BST1: variants seen among roughly 807,000 people sequenced by gnomAD.
BST1 encodes ADP-ribosyl cyclase/cyclic ADP-ribose hydrolase 2.
Under a neutral mutation model 40.6 loss-of-function variants are expected in BST1, and 49 were observed. The ratio of observed to expected loss-of-function variants is 1.21; its 90% CI spans 0.96 to 1.53. The LOEUF is 1.53. Among genes scored for constraint, BST1 ranks in the 40% most tolerant of loss-of-function variants. BST1 has a pLI of 0.00. For synonymous variants in BST1, 157 were observed against 159.3 expected (o/e 0.99, Z 0.11); for missense variants, 423 against 395.9 (o/e 1.07, Z -0.58).
intron 7 of BST1, among the ~76,000 whole-genome samples, chr4:15,719,284 G>T (rs567761245): frequency 7.8e-4 from 119 of 152,304 alleles, no homozygotes; most frequent in African/African-American, 2.8e-3. Context: ...TGTGCAGCGA[G>T]ATGCTGGAGT....
intron 8 of BST1, among the ~76,000 whole-genome samples, chr4:15,726,704 A>G (rs1721131781): frequency 6.6e-6 from 1 of 152,172 alleles, no homozygotes. Flanking sequence ...CAACCTATAC[A>G]GAAACAGACC....
the BST1 span, among the ~76,000 whole-genome samples, chr4:15,760,254 A>G: frequency 7.4e-6 from 1 of 135,458 alleles, no homozygotes; most frequent in Non-Finnish European, 1.6e-5. Flanking sequence ...GGTATGCGTT[A>G]GCATTTCATT....
chr4:15,708,925 C>T (rs1720037489), intron 3 of BST1, among the ~76,000 whole-genome samples: 1 of 152,120 alleles, frequency 6.6e-6, no homozygotes, highest in East Asian at 1.9e-4. Context: ...TTTATTTCTC[C>T]TCCATTCATT....
At chr4:15,771,293 T>A in the BST1 span, among the ~76,000 whole-genome samples, 1 of 152,168 alleles carries the variant, frequency 6.6e-6, no homozygotes, top group Non-Finnish European at 1.5e-5. Flanking sequence ...AATTAAAAAA[T>A]ATTGGTAACT....
downstream of BST1, among the ~76,000 whole-genome samples, chr4:15,740,558 T>C (rs1023424682): frequency 1.3e-5 from 2 of 152,106 alleles, no homozygotes; most frequent in African/African-American, 4.8e-5. Context: ...GGATTGGAAA[T>C]ATTTTCAGGT....
chr4:15,760,403 G>T, the BST1 span, among the ~76,000 whole-genome samples: 8 of 151,370 alleles, frequency 5.3e-5, no homozygotes, highest in East Asian at 1.5e-3. Context: ...GTACATTTCT[G>T]TGTGAACATA....
chr4:15,759,957 A>C, the BST1 span, among the ~76,000 whole-genome samples: 1 of 151,956 alleles, frequency 6.6e-6, no homozygotes, highest in African/African-American at 2.4e-5. Flanking sequence ...GAATTTACAA[A>C]CATAAAATTT....
At chr4:15,717,353 T>A (rs548378657) in intron 6 of BST1, among the ~76,000 whole-genome samples, 30 of 152,362 alleles carry the variant, frequency 2.0e-4, no homozygotes, top group African/African-American at 6.3e-4. Flanking sequence ...GTGGTGAGGC[T>A]GTTTACCATC....
At position 15,711,868 on chromosome 4, in the gene BST1, T is replaced by C; in HGVS notation, c.513T>C (p.Phe171=). ...GTGAAAATAATCCTGTGGATTCCTT[T>C]TGGAAAAGGGCATCCATCCAGGTAA... ...EDCENNPVDS[F]WKRASIQYSK... is the part of the protein sequence containing the mutation. The change falls in exon 4 of 9, where the codon TTT becomes TTC. Residue 171 remains phenylalanine (F), a synonymous_variant. Coordinates refer to ENST00000265016, the MANE Select transcript of BST1 (RefSeq NM_004334.3). The C allele has an allele frequency of 6.2e-7, 1 of 1,614,084 alleles. No homozygotes were observed.
chr4:15,736,102 T>C (rs1721552091), downstream of BST1: 1 of 1,288,818 alleles, frequency 7.8e-7, no homozygotes, highest in Non-Finnish European at 1.0e-6. Flanking sequence ...AGCAGAACCA[T>C]ACAACCGCCG....
the BST1 span, among the ~76,000 whole-genome samples, chr4:15,745,391 T>A: frequency 7.9e-5 from 12 of 152,360 alleles, no homozygotes; most frequent in East Asian, 2.3e-3. Context: ...AAATGTATTG[T>A]TTCAGTATAT....
At chr4:15,756,299 C>T in the BST1 span, among the ~76,000 whole-genome samples, 1 of 152,150 alleles carries the variant, frequency 6.6e-6, no homozygotes, top group Admixed American at 6.5e-5. Context: ...ACTGAGCTGT[C>T]AAAGACCCTC....
intron 3 of BST1, among the ~76,000 whole-genome samples, chr4:15,711,091 A>G (rs1339533406): frequency 2.6e-5 from 4 of 152,092 alleles, no homozygotes; most frequent in Admixed American, 1.3e-4. Context: ...TGCCCAGTCT[A>G]TTTTATCTAT....
At chr4:15,705,414 A>T (rs1028056493) in intron 1 of BST1, 101 bp from the exon 2 acceptor site, 11 of 1,326,478 alleles carry the variant, frequency 8.3e-6, no homozygotes, top group Non-Finnish European at 1.1e-5. Context: ...TGCAGTTACT[A>T]TATGAAAAAT....
chr4:15,751,322 G>T, the BST1 span, among the ~76,000 whole-genome samples: 2 of 152,146 alleles, frequency 1.3e-5, no homozygotes, highest in African/African-American at 4.8e-5. Flanking sequence ...AAATCTCGGG[G>T]AACATTCTGA....
At chr4:15,762,968 A>G in the BST1 span, among the ~76,000 whole-genome samples, 2 of 151,994 alleles carry the variant, frequency 1.3e-5, no homozygotes, top group South Asian at 2.1e-4. Context: ...TATGATGGAT[A>G]CTTAGGTTGA....
At chr4:15,715,457 T>C (rs1439497989) in intron 5 of BST1, 96 bp downstream of exon 5, 1 of 1,273,998 alleles carries the variant, frequency 7.8e-7, no homozygotes, top group East Asian at 2.5e-5. Context: ...CTAGTCCCCA[T>C]CTCATGCGTG....
At chr4:15,761,027 G>A in the BST1 span, among the ~76,000 whole-genome samples, 2 of 151,538 alleles carry the variant, frequency 1.3e-5, no homozygotes, top group African/African-American at 4.9e-5. Context: ...ATGGCATATA[G>A]TTTTTTTGTT....
At chr4:15,768,180 C>T in the BST1 span, among the ~76,000 whole-genome samples, 1 of 152,224 alleles carries the variant, frequency 6.6e-6, no homozygotes, top group East Asian at 1.9e-4. Flanking sequence ...TGAGATGCTG[C>T]CCCTCCAAAG....
Sources: allele counts gnomAD v4.1 joint callset (sites outside exome capture counted in the v4.1 genomes callset), GRCh38; gene constraint gnomAD v4.1.1; transcripts MANE v1.5; gene names NCBI Gene and HGNC (gene_info 2026-07-23, HGNC 2026-07-21).